The following PAK6 variants were observed in gnomAD, a reference collection of about 807,000 sequenced individuals.
PAK6 encodes p21 (RAC1) activated kinase 6, also known as serine/threonine-protein kinase PAK 6.
In PAK6, 33 loss-of-function variants were observed where a neutral mutation model predicts 60.8. That is an observed-to-expected ratio of 0.54 (90% CI 0.41 to 0.73). The LOEUF (loss-of-function observed/expected upper bound fraction) is 0.73, where lower values mean the gene tolerates loss of function less well. PAK6 is among the 30% of genes least tolerant of loss of function. The probability of loss-of-function intolerance (pLI) is 0.00; values close to 1 mark genes in which losing one functional copy is unlikely to be tolerated. For missense variants in PAK6, 845 were observed against 904.1 expected (o/e 0.93, Z 0.84); for synonymous variants, 404 against 378.5 (o/e 1.07, Z -0.78).
In PAK6 at chr15:40,260,895, A is replaced by ATT. The variant is rs34624849; in HGVS notation, c.-5-3876_-5-3875dup. 1.0e-2 allele frequency among the ~76,000 whole-genome samples: 1,482 copies of ATT among 148,682 alleles called. 19 individuals are homozygous for ATT. The highest frequency in any genetic ancestry group is 0.03 in the African/African-American group (1,198 of 40,428). ...AAAATGATATCTTTTTAAAAATTTCATTTTTTTTTTTGAGACAGAGTCTCG... is the reference window on the plus strand; with the variant it reads ...AAAATGATATCTTTTTAAAAATTTCATTTTTTTTTTTTTGAGACAGAGTCTCG... On this transcript the variant is annotated intron_variant, in intron 3 of 10. Transcript: ENST00000560346.
intron 2 of PAK6, among the ~76,000 whole-genome samples, chr15:40,249,911 G>A (rs993969914): frequency 6.6e-6 from 1 of 152,248 alleles, no homozygotes; most frequent in African/African-American, 2.4e-5. Flanking sequence ...CCTGTGAAAT[G>A]TCTGTTTTGG....
At chr15:40,242,045 G>A (rs997140339) in intron 2 of PAK6, among the ~76,000 whole-genome samples, 11 of 75,136 alleles carry the variant, frequency 1.5e-4, no homozygotes, top group Admixed American at 7.8e-4. Context: ...TCAGAGGGGC[G>A]GAGGCTGTCG....
intron 5 of PAK6, among the ~76,000 whole-genome samples, chr15:40,271,802 A>T (rs1466272450): frequency 1.3e-5 from 2 of 152,042 alleles, no homozygotes; most frequent in African/African-American, 4.8e-5. Flanking sequence ...GGGGTGGGGG[A>T]GCCTTGGGAG....
chr15:40,267,886 A>C (rs2039189949), intron 5 of PAK6, among the ~76,000 whole-genome samples: 1 of 152,144 alleles, frequency 6.6e-6, no homozygotes, highest in Non-Finnish European at 1.5e-5. Flanking sequence ...TGAGATTCGG[A>C]GCTTGACCTC....
At chr15:40,243,849 C>T (rs77786868) in intron 2 of PAK6, among the ~76,000 whole-genome samples, 3,199 of 152,266 alleles carry the variant, frequency 0.021, 108 homozygotes, top group African/African-American at 0.069. Flanking sequence ...GATCGAGAGC[C>T]GGGCTGTGGC....
At chr15:40,253,039 C>T (rs1271118135) in intron 2 of PAK6, 139 bp from the exon 3 acceptor site, 8 of 385,428 alleles carry the variant, frequency 2.1e-5, no homozygotes, top group African/African-American at 6.4e-5. Context: ...GAGCCTGCCG[C>T]CTCTTGCACC....
chr15:40,252,691 G>T lies in PAK6; in HGVS notation c.-117-487G>T, dbSNP rs534043287. The stretch of plus-strand genomic sequence containing the variant: ...GCGTTCCTGGGCTTCCCGCTCCGCA[G>T]GTGGGTTCCCCGGCTGCCCCGGAGG... On this transcript the variant is annotated intron_variant, in intron 2 of 10. Transcript: ENST00000560346. 3.8e-6 allele frequency: 5 copies of T among 1,308,614 alleles called. No individual in the cohort carries two copies. In the East Asian group the frequency reaches 2.7e-4, roughly 70 times the overall value. 81.1% of individuals were successfully genotyped at this position (1,308,614 alleles called of 1,614,324 possible).
intron 10 of PAK6, 111 bp downstream of exon 10, chr15:40,274,387 C>A: frequency 1.6e-6 from 2 of 1,215,296 alleles, no homozygotes; most frequent in Admixed American, 2.6e-5. Flanking sequence ...AGGGTCTGGG[C>A]TCCTGGAAAA....
exon 11 of PAK6, chr15:40,276,907 C>T (rs1359507904): frequency 6.6e-6 from 1 of 152,124 alleles, no homozygotes; most frequent in African/African-American, 2.4e-5. Context: ...CTTTCTTGGC[C>T]TGGCTTCCAC....
At position 40,273,122 on chromosome 15, in the gene PAK6, G is replaced by A. The variant is rs138192802; in HGVS notation, c.1490+123G>A. On this transcript the variant is annotated intron_variant, in intron 7 of 10. Coordinates refer to ENST00000560346, the Ensembl canonical transcript of PAK6. Reference sequence around the variant, plus strand: ...GATGCCTGGGCTCCCCTGCCTGCTGGGGTAACTGAGACCCAGGGGTCTTGG... The same window carrying A: ...GATGCCTGGGCTCCCCTGCCTGCTGAGGTAACTGAGACCCAGGGGTCTTGG... 6,729 of 1,316,036 alleles carry A rather than the reference G, an allele frequency of 5.1e-3. 23 individuals carry two copies. Among genetic ancestry groups the A allele is most frequent in the Non-Finnish European group, 5.7e-3 (5,478 of 960,642 alleles). 81.5% of individuals were successfully genotyped at this position (1,316,036 alleles called of 1,614,324 possible). A position where few individuals can be genotyped will look rare whatever the true frequency, so the allele number is the denominator to read the frequency against.
At chr15:40,251,186 C>G (rs1231807119) in intron 2 of PAK6, 1 of 152,386 alleles carries the variant, frequency 6.6e-6, no homozygotes, top group African/African-American at 2.4e-5. Context: ...AGAACAGAAA[C>G]TAAATATAAA....
intron 10 of PAK6, among the ~76,000 whole-genome samples, chr15:40,275,280 G>GTTTTCTTTTTCTTT (rs1448905930): frequency 3.5e-5 from 2 of 56,486 alleles, no homozygotes; most frequent in African/African-American, 1.4e-4. Flanking sequence ...GTTGTTGTTG[G>GTTTTCTTTTTCTTT]TTTTTTTTTT....
At chr15:40,252,384 A>G in intron 2 of PAK6, 3 of 1,326,968 alleles carry the variant, frequency 2.3e-6, no homozygotes, top group Non-Finnish European at 3.0e-6. Flanking sequence ...CCCGGAGGCG[A>G]AGGGCGGGCG....
In PAK6 at chr15:40,273,692, A is replaced by AC; in HGVS notation, c.1743+22dup. On this transcript the variant is annotated intron_variant, in intron 9 of 10. Coordinates refer to ENST00000560346, the Ensembl canonical transcript of PAK6. Reference sequence around the variant, plus strand: ...TGCCACTGAGGTAACCGTTCCCTCCACCCCCCAGACCTCCCAAAAGCAACT... The same window carrying AC: ...TGCCACTGAGGTAACCGTTCCCTCCACCCCCCCAGACCTCCCAAAAGCAACT... 6.2e-7 allele frequency: 1 copy of AC among 1,607,486 alleles called. No individual in the cohort carries two copies. The highest frequency in any genetic ancestry group is 8.5e-7 in the Non-Finnish European group (1 of 1,176,222).
chr15:40,268,014 G>A (rs1370989860), intron 5 of PAK6, among the ~76,000 whole-genome samples: 1 of 152,284 alleles, frequency 6.6e-6, no homozygotes, highest in Non-Finnish European at 1.5e-5. Context: ...CCCACAGCAG[G>A]GGGAGAGGCC....
intron 5 of PAK6, among the ~76,000 whole-genome samples, chr15:40,271,476 G>A (rs1466277356): frequency 2.0e-5 from 3 of 152,136 alleles, no homozygotes; most frequent in Non-Finnish European, 2.9e-5. Flanking sequence ...CCTTTAGGGG[G>A]TCCTTAAGAC....
At chr15:40,259,643 C>G (rs1445529209) in intron 3 of PAK6, 2 of 151,774 alleles carry the variant, frequency 1.3e-5, no homozygotes, top group Non-Finnish European at 2.9e-5. Flanking sequence ...AAAAATTAGC[C>G]GGACGTGGTG....
At chr15:40,273,773 C>A in intron 9 of PAK6, 97 bp downstream of exon 9, 2 of 1,454,950 alleles carry the variant, frequency 1.4e-6, no homozygotes, top group Non-Finnish European at 9.4e-7. Flanking sequence ...CAAAAGCAGC[C>A]CTGGTTTTCA....
At chr15:40,275,939 C>T (rs1270423692) in exon 11 of PAK6, 2 of 1,613,014 alleles carry the variant, frequency 1.2e-6, no homozygotes, top group South Asian at 1.1e-5. Flanking sequence ...CTCCCCAGTG[C>T]TGCGAGACTT....
Sources: gnomAD v4.1 joint callset for allele counts (sites outside exome capture counted in the v4.1 genomes callset) on GRCh38, gnomAD v4.1.1 for gene constraint, MANE v1.5 for transcripts, NCBI Gene and HGNC (gene_info 2026-07-23, HGNC 2026-07-21) for gene names.